Variants in MYO16 observed in about 807,000 individuals in gnomAD.
The protein encoded by MYO16 is myosin XVI, also known as unconventional myosin-XVI.
In MYO16, 94 loss-of-function variants were observed where a neutral mutation model predicts 205.3. That is an observed-to-expected ratio of 0.46 (90% CI 0.39 to 0.54). MYO16 has a LOEUF of 0.54. MYO16 is among the 20% of genes least tolerant of loss of function. MYO16 has a pLI of 0.00. For synonymous variants in MYO16, 988 were observed against 954.0 expected (o/e 1.04, Z -0.66); for missense variants, 2,315 against 2,387.5 (o/e 0.97, Z 0.63).
chr13:108,644,486 A>G (rs1186819724), intron 1 of MYO16, among the ~76,000 whole-genome samples: 1 of 152,148 alleles, frequency 6.6e-6, no homozygotes, highest in Admixed American at 6.5e-5. Context: ...CTGTTAACAC[A>G]ATGGGAAAGA....
At chr13:109,025,644 T>C (rs1331208989) in intron 23 of MYO16, among the ~76,000 whole-genome samples, 4 of 152,176 alleles carry the variant, frequency 2.6e-5, no homozygotes, top group Non-Finnish European at 5.9e-5. Context: ...GGATAAGCAT[T>C]AAATTCAGAA....
chr13:109,146,929 A>G (rs964546816), intron 32 of MYO16, among the ~76,000 whole-genome samples: 3 of 151,754 alleles, frequency 2.0e-5, no homozygotes, highest in Non-Finnish European at 4.4e-5. Flanking sequence ...ATATTTTATC[A>G]TAGATGTTCT....
chr13:108,677,951 C>T (rs1347928713), intron 2 of MYO16, among the ~76,000 whole-genome samples: 16 of 152,152 alleles, frequency 1.1e-4, no homozygotes, highest in Non-Finnish European at 2.2e-4. Flanking sequence ...GAAGAACTGG[C>T]TGGTGATTTT....
intron 32 of MYO16, among the ~76,000 whole-genome samples, chr13:109,147,721 T>G (rs1481320249): frequency 6.6e-6 from 1 of 152,126 alleles, no homozygotes; most frequent in Non-Finnish European, 1.5e-5. Context: ...AGAAAAAGTG[T>G]GGAAGATAAT....
At chr13:109,032,884 T>C (rs554737788) in intron 23 of MYO16, among the ~76,000 whole-genome samples, 4 of 152,314 alleles carry the variant, frequency 2.6e-5, no homozygotes, top group African/African-American at 9.6e-5. Context: ...TAGCATTTGA[T>C]TTGACCTTAG....
At chr13:109,032,489 A>C (rs941683761) in intron 23 of MYO16, among the ~76,000 whole-genome samples, 1 of 152,186 alleles carries the variant, frequency 6.6e-6, no homozygotes, top group African/African-American at 2.4e-5. Context: ...GTTCCCATGA[A>C]GCCTCCCTTC....
chr13:108,604,930 T>C (rs1300747519), intron 1 of MYO16, among the ~76,000 whole-genome samples: 1 of 152,202 alleles, frequency 6.6e-6, no homozygotes, highest in African/African-American at 2.4e-5. Context: ...TTGGTGGTTG[T>C]CTAGCTGGAT....
intron 4 of MYO16, among the ~76,000 whole-genome samples, chr13:108,762,897 C>T (rs1885656612): frequency 6.6e-6 from 1 of 152,076 alleles, no homozygotes; most frequent in African/African-American, 2.4e-5. Context: ...TACCTTTTCC[C>T]CATGGCAGTC....
intron 4 of MYO16, among the ~76,000 whole-genome samples, chr13:108,749,410 A>G (rs1017934558): frequency 6.6e-6 from 1 of 152,190 alleles, no homozygotes; most frequent in Non-Finnish European, 1.5e-5. Context: ...AGAACTCGTA[A>G]ACCTCAACAA....
chr13:108,687,235 G>A (rs1882715184), intron 2 of MYO16, among the ~76,000 whole-genome samples: 1 of 152,206 alleles, frequency 6.6e-6, no homozygotes, highest in Non-Finnish European at 1.5e-5. Context: ...CTGTAGATTA[G>A]TAGACTAATT....
At chr13:109,003,943 C>T (rs1885305931) in intron 21 of MYO16, among the ~76,000 whole-genome samples, 1 of 152,058 alleles carries the variant, frequency 6.6e-6, no homozygotes, top group Non-Finnish European at 1.5e-5. Context: ...CAAGTATTTT[C>T]AATTAGAGAA....
intron 13 of MYO16, 58 bp downstream of exon 13, chr13:108,883,244 A>T (rs949129677): frequency 1.9e-6 from 3 of 1,577,822 alleles, no homozygotes; most frequent in Non-Finnish European, 2.6e-6. Flanking sequence ...CTTGGCAGTA[A>T]AGATGTACTC....
At position 108,882,849 on chromosome 13, in the gene MYO16, A is replaced by G. The variant is rs1332790862; in HGVS notation, c.1426-210A>G. On this transcript the variant is annotated intron_variant, in intron 12 of 34. Coordinates refer to ENST00000457511, the MANE Select transcript of MYO16 (RefSeq NM_001198950.3). ...AAGCCTGTGGACCAAGTAATGAAGG[A>G]TAAAGTATAAGCCTCCATTTTGTCA... is the stretch of plus-strand genomic sequence containing the variant. Among the ~76,000 whole-genome samples the G allele has an allele frequency of 3.3e-5, 5 of 152,348 alleles. No homozygotes were observed. The South Asian group carries it at 8.3e-4, about 25-fold the overall frequency.
At chr13:108,533,449 G>C in the MYO16 span, among the ~76,000 whole-genome samples, 4 of 152,200 alleles carry the variant, frequency 2.6e-5, no homozygotes, top group African/African-American at 9.6e-5. Flanking sequence ...TTGACCTAAA[G>C]ACTGAGTTCA....
At chr13:108,658,533 TTAA>T (rs1382371388) in intron 1 of MYO16, among the ~76,000 whole-genome samples, 2 of 151,950 alleles carry the variant, frequency 1.3e-5, no homozygotes, top group Non-Finnish European at 1.5e-5. Context: ...GTATTTAAAG[TTAA>T]TAATTTATTT....
intron 7 of MYO16, among the ~76,000 whole-genome samples, chr13:108,809,899 G>A (rs932199486): frequency 1.3e-5 from 2 of 152,156 alleles, no homozygotes; most frequent in African/African-American, 4.8e-5. Flanking sequence ...GCCCAACCTT[G>A]GGGCCACCAA....
intron 4 of MYO16, among the ~76,000 whole-genome samples, chr13:108,771,589 G>C (rs915411118): frequency 6.6e-6 from 1 of 152,090 alleles, no homozygotes; most frequent in South Asian, 2.1e-4. Flanking sequence ...GGATCCACCC[G>C]TACAGAAATT....
chr13:109,034,814 A>G (rs1393072386), intron 23 of MYO16, among the ~76,000 whole-genome samples: 3 of 152,192 alleles, frequency 2.0e-5, no homozygotes, highest in Non-Finnish European at 4.4e-5. Context: ...ATTTACATAT[A>G]AGCCATTCCT....
chr13:108,987,002 G>T (rs537396729), intron 20 of MYO16, among the ~76,000 whole-genome samples: 3 of 152,246 alleles, frequency 2.0e-5, no homozygotes, highest in Admixed American at 2.0e-4. Flanking sequence ...ATGAGGAGAG[G>T]CATTTTTAAA....
Sources: gnomAD v4.1 joint callset for allele counts (sites outside exome capture counted in the v4.1 genomes callset) on GRCh38, gnomAD v4.1.1 for gene constraint, MANE v1.5 for transcripts, NCBI Gene and HGNC (gene_info 2026-07-23, HGNC 2026-07-21) for gene names.